The following PLAC1 variants were observed in gnomAD, a reference collection of about 807,000 sequenced individuals.
The protein encoded by PLAC1 is placenta-specific protein 1.
For synonymous variants in PLAC1, 68 were observed against 62.1 expected (o/e 1.09, Z -0.44); for missense variants, 136 against 163.2 (o/e 0.83, Z 0.91).
chrX:134,588,374 G>A (rs1399937812), intron 2 of PLAC1, among the ~76,000 whole-genome samples: 1 of 106,845 alleles, frequency 9.4e-6, no homozygotes, highest in African/African-American at 3.4e-5. Context: ...GCCCAGGCTG[G>A]AGTGCAGTGG....
intron 2 of PLAC1, among the ~76,000 whole-genome samples, chrX:134,600,000 C>T (rs186924367): frequency 1.8e-5 from 2 of 110,617 alleles, no homozygotes; most frequent in East Asian, 5.7e-4. Context: ...AAAGGATAAA[C>T]ATATTTTCCT....
At chrX:134,651,846 TC>T (rs778697232) in intron 1 of PLAC1, among the ~76,000 whole-genome samples, 1 of 110,138 alleles carries the variant, frequency 9.1e-6, no homozygotes, top group African/African-American at 3.3e-5. Context: ...AGAGATTGCT[TC>T]CCCCATACCC....
intron 2 of PLAC1, among the ~76,000 whole-genome samples, chrX:134,598,656 GT>G (rs34696560): frequency 9.0e-6 from 1 of 110,752 alleles, no homozygotes; most frequent in Admixed American, 9.6e-5. Context: ...GAGAAGGGTT[GT>G]TTTTTTAAGG....
intron 2 of PLAC1, among the ~76,000 whole-genome samples, chrX:134,584,952 G>C (rs367635756): frequency 1.1e-4 from 12 of 110,765 alleles, no homozygotes; most frequent in African/African-American, 3.9e-4. Flanking sequence ...CAGGCAGAAC[G>C]TCTTTCTCCC....
At chrX:134,642,220 T>C (rs956024322) in intron 1 of PLAC1, among the ~76,000 whole-genome samples, 3 of 111,950 alleles carry the variant, frequency 2.7e-5, no homozygotes, top group African/African-American at 9.7e-5. Context: ...GACCATGGAA[T>C]GACACATTTG....
intron 1 of PLAC1, among the ~76,000 whole-genome samples, chrX:134,736,239 AC>A (rs1483778189): frequency 9.1e-6 from 1 of 110,430 alleles, no homozygotes; most frequent in African/African-American, 3.3e-5. Context: ...TGATTGTGCC[AC>A]TGCACTCCAG....
intron 1 of PLAC1, among the ~76,000 whole-genome samples, chrX:134,615,909 CTCTAT>C (rs1229877949): frequency 9.1e-6 from 1 of 110,388 alleles, no homozygotes; most frequent in African/African-American, 3.3e-5. Context: ...TTTATGGGCT[CTCTAT>C]TCTATTCTAT....
At chrX:134,614,610 C>T (rs1298587937) in intron 1 of PLAC1, among the ~76,000 whole-genome samples, 1 of 110,582 alleles carries the variant, frequency 9.0e-6, no homozygotes. Context: ...CACACACACA[C>T]ACACACAATA....
chrX:134,755,945 G>A (rs1439061313), intron 1 of PLAC1, among the ~76,000 whole-genome samples: 2 of 93,367 alleles, frequency 2.1e-5, no homozygotes, highest in East Asian at 3.6e-4. Context: ...TCTGGCTCCC[G>A]GGTTCAAGTG....
At chrX:134,756,577 C>T (rs759623937) in intron 1 of PLAC1, among the ~76,000 whole-genome samples, 4 of 110,448 alleles carry the variant, frequency 3.6e-5, no homozygotes, top group South Asian at 3.9e-4. Flanking sequence ...CGGCCGGGCG[C>T]GGTGGCTCAC....
At chrX:134,736,006 G>C (rs190694101) in intron 1 of PLAC1, among the ~76,000 whole-genome samples, 1 of 109,204 alleles carries the variant, frequency 9.2e-6, no homozygotes, top group African/African-American at 3.3e-5. Flanking sequence ...GGCTGGGCGC[G>C]GTGGCTCACG....
chrX:134,734,878 C>G (rs949525780), intron 1 of PLAC1, among the ~76,000 whole-genome samples: 1 of 110,623 alleles, frequency 9.0e-6, no homozygotes. Flanking sequence ...CCTCCCACCC[C>G]CTGGACTGCT....
intron 1 of PLAC1, among the ~76,000 whole-genome samples, chrX:134,755,206 C>T (rs997526161): frequency 9.0e-6 from 1 of 111,548 alleles, no homozygotes; most frequent in African/African-American, 3.3e-5. Flanking sequence ...GAAAGAGAAG[C>T]GGGGAGAGAG....
chrX:134,733,043 C>T (rs926872557), intron 2 of PLAC1, among the ~76,000 whole-genome samples: 3 of 111,774 alleles, frequency 2.7e-5, no homozygotes, highest in Non-Finnish European at 5.6e-5. Flanking sequence ...TGTGTGCCTT[C>T]TCCTGCCATG....
intron 2 of PLAC1, among the ~76,000 whole-genome samples, chrX:134,579,827 T>C (rs2077965391): frequency 9.0e-6 from 1 of 111,476 alleles, no homozygotes; most frequent in Non-Finnish European, 1.9e-5. Context: ...GACACCCACA[T>C]CCAAGAAGAG....
chrX:134,733,667 T>C (rs964034325), intron 1 of PLAC1: 2 of 111,211 alleles, frequency 1.8e-5, no homozygotes, highest in Admixed American at 1.9e-4. Flanking sequence ...GGACAAAGGC[T>C]TTGGATCCTC....
intron 1 of PLAC1, among the ~76,000 whole-genome samples, chrX:134,734,632 C>T (rs965846859): frequency 1.8e-5 from 2 of 111,946 alleles, no homozygotes; most frequent in Non-Finnish European, 3.8e-5. Context: ...TAGGTCTGAA[C>T]CTCCCTCCCT....
chrX:134,672,783 C>A (rs993210549), intron 2 of PLAC1, among the ~76,000 whole-genome samples: 1 of 112,792 alleles, frequency 8.9e-6, no homozygotes, highest in African/African-American at 3.2e-5. Context: ...ACTAACAATG[C>A]CCTGTAATAG....
At chrX:134,692,056 G>T (rs1009560633) in intron 2 of PLAC1, among the ~76,000 whole-genome samples, 2 of 112,200 alleles carry the variant, frequency 1.8e-5, no homozygotes, top group Non-Finnish European at 3.8e-5. Flanking sequence ...GACAAATGAA[G>T]ATTTGTCACA....
Sources: allele counts gnomAD v4.1 joint callset (sites outside exome capture counted in the v4.1 genomes callset), GRCh38; gene constraint gnomAD v4.1.1; transcripts MANE v1.5; gene names NCBI Gene and HGNC (gene_info 2026-07-23, HGNC 2026-07-21).